The following SRRM4 variants were observed in gnomAD, a reference collection of about 807,000 sequenced individuals.
SRRM4 encodes the protein serine/arginine repetitive matrix 4, also known as serine/arginine repetitive matrix protein 4.
SRRM4 carries 33 observed loss-of-function variants against 68.9 expected under a neutral mutation model. The observed-to-expected ratio is 0.48, with a 90% CI of 0.36 to 0.64. The LOEUF is 0.64. Ranked by LOEUF, SRRM4 falls within the 30% of genes least tolerant of loss-of-function variation. The pLI, the probability that SRRM4 is intolerant of heterozygous loss-of-function variation, is 0.00. For missense variants in SRRM4, 817 were observed against 827.1 expected, an observed-to-expected ratio of 0.99 and a Z score of 0.15; for synonymous variants, 318 against 318.8, an observed-to-expected ratio of 1.00 and a Z score of 0.03.
intron 1 of SRRM4, among the ~76,000 whole-genome samples, chr12:119,041,033 A>G (rs150496931): frequency 2.6e-5 from 4 of 152,248 alleles, no homozygotes; most frequent in African/African-American, 9.6e-5. Flanking sequence ...TACAGGCATG[A>G]GTCACCATGC....
chr12:119,017,117 A>G (rs1953486571), intron 1 of SRRM4, among the ~76,000 whole-genome samples: 1 of 152,240 alleles, frequency 6.6e-6, no homozygotes, highest in Non-Finnish European at 1.5e-5. Flanking sequence ...ACCACAGCCT[A>G]GTCTATAAAT....
intron 9 of SRRM4, 77 bp from the exon 10 acceptor site, chr12:119,150,940 A>C: frequency 7.2e-7 from 1 of 1,391,850 alleles, no homozygotes; most frequent in Non-Finnish European, 1.0e-6. Context: ...AGCCTAGGCC[A>C]AGGTAGGGAG....
chr12:119,151,069 G>A lies in SRRM4; in HGVS notation c.1129G>A (p.Val377Ile). ...ECAEVKKSSLVPSTARSSPMK... is the reference protein window; with the variant it reads ...ECAEVKKSSLIPSTARSSPMK... The stretch of plus-strand genomic sequence containing the variant: ...TGCCGAAGTGAAGAAGTCCAGTTTG[G>A]TCCCATCCACAGCCCGGAGCTCACC... Residue 377 changes from valine to isoleucine, a missense_variant, in exon 10 of 13, where the codon GTC becomes ATC. Transcript: ENST00000267260. The A allele has an allele frequency of 1.2e-6, 2 of 1,613,966 alleles. No homozygotes were observed. Among genetic ancestry groups the A allele is most frequent in the South Asian group, 2.2e-5 (2 of 91,078 alleles).
In SRRM4 at chr12:118,981,826, T is replaced by A. The variant is rs1472813312; in HGVS notation, c.-57T>A. 6.4e-7 allele frequency: 1 copy of A among 1,556,062 alleles called. No individual in the cohort carries two copies. The highest frequency in any genetic ancestry group is 8.7e-7 in the Non-Finnish European group (1 of 1,147,970). ...AGCTGGGTGTCGCCCCCGTTTGGAA[T>A]CCACGTTTCAGCACTTTGGACAGCG... On this transcript the variant is annotated 5_prime_UTR_variant, in exon 1 of 13. Coordinates refer to ENST00000267260, the MANE Select transcript of SRRM4 (RefSeq NM_194286.4).
intron 4 of SRRM4, among the ~76,000 whole-genome samples, chr12:119,120,004 G>A (rs1954208732): frequency 6.6e-6 from 1 of 151,826 alleles, no homozygotes; most frequent in Non-Finnish European, 1.5e-5. Context: ...GGATTAGCTA[G>A]GTGTCCCGAC....
Position 118,981,778 on chromosome 12 carries a change from G to A in SRRM4, c.-105G>A. On this transcript the variant is annotated 5_prime_UTR_variant, in exon 1 of 13. Transcript: ENST00000267260. ...ATCTCTCCCACCCCACCCCTCTCTG[G>A]GTTTCACCCGGACAGAGCCGGGAGC... 1 of 1,362,066 alleles carries A rather than the reference G, an allele frequency of 7.3e-7. No homozygotes were observed. The highest frequency in any genetic ancestry group is 9.9e-7 in the Non-Finnish European group (1 of 1,009,958). 84.4% of individuals were successfully genotyped at this position (1,362,066 alleles called of 1,614,324 possible). A position where few individuals can be genotyped will look rare whatever the true frequency, so the allele number is the denominator to read the frequency against.
At chr12:119,128,941 C>G (rs531569686) in intron 7 of SRRM4, among the ~76,000 whole-genome samples, 2 of 152,298 alleles carry the variant, frequency 1.3e-5, no homozygotes, top group African/African-American at 4.8e-5. Flanking sequence ...TGAGGAGCTT[C>G]CTAGCAGAAA....
chr12:119,083,136 C>T (rs989003904), intron 1 of SRRM4, among the ~76,000 whole-genome samples: 2 of 152,044 alleles, frequency 1.3e-5, no homozygotes, highest in African/African-American at 2.4e-5. Context: ...AGACCCTACT[C>T]AGTTCCCAGG....
chr12:118,991,847 A>G (rs1023521620), intron 1 of SRRM4: 3 of 152,204 alleles, frequency 2.0e-5, no homozygotes, highest in Admixed American at 1.3e-4. Flanking sequence ...TAAATTGTTA[A>G]TGAGGACAAT....
rs902498959 is a variant in SRRM4 at position 119,002,738 on chromosome 12, T to C, written c.131+20725T>C. Among the ~76,000 whole-genome samples the C allele has an allele frequency of 6.6e-5, 10 of 152,156 alleles. No homozygotes were observed. The East Asian group carries it at 1.9e-3, about 29-fold the overall frequency. On this transcript the variant is annotated intron_variant, in intron 1 of 12. Transcript: ENST00000267260. ...CGGTTACCCTAGGTACCGTGTTTGG[T>C]GCAGGACTAGCATATGATACTAGGA...
At chr12:119,121,995 T>A (rs1954222422) in intron 5 of SRRM4, 75 bp from the exon 6 acceptor site, 1 of 941,754 alleles carries the variant, frequency 1.1e-6, no homozygotes, top group Admixed American at 1.7e-5. Context: ...ACACTGTGTG[T>A]TAAGCATTTT....
chr12:118,983,199 A>G (rs1470698974), intron 1 of SRRM4, among the ~76,000 whole-genome samples: 1 of 152,216 alleles, frequency 6.6e-6, no homozygotes, highest in Non-Finnish European at 1.5e-5. Flanking sequence ...ATGTCTGAAG[A>G]ATCAAAGCCA....
At chr12:119,060,083 C>G (rs879337218) in intron 1 of SRRM4, among the ~76,000 whole-genome samples, 1 of 147,750 alleles carries the variant, frequency 6.8e-6, no homozygotes, top group African/African-American at 2.5e-5. Context: ...GTAGATTTAA[C>G]CCACTTTTCC....
At chr12:119,046,488 G>A (rs1248405994) in intron 1 of SRRM4, among the ~76,000 whole-genome samples, 3 of 151,442 alleles carry the variant, frequency 2.0e-5, no homozygotes, top group African/African-American at 4.9e-5. Context: ...GACAACCTGT[G>A]AAAGAAACAT....
chr12:119,065,721 C>T (rs1337220644), intron 1 of SRRM4, among the ~76,000 whole-genome samples: 1 of 152,046 alleles, frequency 6.6e-6, no homozygotes, highest in Admixed American at 6.6e-5. Flanking sequence ...CACTGCACTC[C>T]AGCTTGGGCA....
At chr12:119,001,762 C>T (rs998532611) in intron 1 of SRRM4, 2 of 152,100 alleles carry the variant, frequency 1.3e-5, no homozygotes, top group Admixed American at 6.6e-5. Flanking sequence ...GCAGGCAGAT[C>T]GCTTGAGCCC....
intron 1 of SRRM4, among the ~76,000 whole-genome samples, chr12:119,078,828 G>T (rs1375909038): frequency 6.6e-6 from 1 of 152,330 alleles, no homozygotes; most frequent in South Asian, 2.1e-4. Context: ...TACTCTGGAG[G>T]CTGAGGCAGG....
intron 2 of SRRM4, among the ~76,000 whole-genome samples, chr12:119,109,145 T>C (rs1954126611): frequency 6.6e-6 from 1 of 152,164 alleles, no homozygotes; most frequent in South Asian, 2.1e-4. Context: ...TGTTGAATAT[T>C]GGCCCCCACC....
chr12:119,119,821 G>A (rs187697120), intron 4 of SRRM4, among the ~76,000 whole-genome samples: 2 of 152,094 alleles, frequency 1.3e-5, no homozygotes, highest in East Asian at 3.9e-4. Flanking sequence ...AATGGAGGAG[G>A]GGAAAGGCAG....
Sources: gnomAD v4.1 joint callset for allele counts (sites outside exome capture counted in the v4.1 genomes callset) on GRCh38, gnomAD v4.1.1 for gene constraint, MANE v1.5 for transcripts, NCBI Gene and HGNC (gene_info 2026-07-23, HGNC 2026-07-21) for gene names.